Variants in SYNPR observed in about 807,000 individuals in gnomAD.
SYNPR encodes the protein synaptoporin.
A neutral mutation model predicts 32.9 loss-of-function variants in SYNPR; 23 were observed. That is an observed-to-expected ratio of 0.70 (90% confidence interval 0.50 to 0.99). The LOEUF (loss-of-function observed/expected upper bound fraction) is 0.99. Ranked by LOEUF, SYNPR falls within the 50% of genes least tolerant of loss-of-function variation. The probability of loss-of-function intolerance (pLI) is 0.00; values close to 1 mark genes in which losing one functional copy is unlikely to be tolerated. For missense variants in SYNPR, 318 were observed against 349.3 expected, an observed-to-expected ratio of 0.91 and a Z score of 0.71; for synonymous variants, 146 against 135.9, an observed-to-expected ratio of 1.07 and a Z score of -0.52.
At chr3:63,320,817 G>C (rs780936369) in intron 2 of SYNPR, among the ~76,000 whole-genome samples, 8 of 152,092 alleles carry the variant, frequency 5.3e-5, no homozygotes, top group Middle Eastern at 3.4e-3. Flanking sequence ...TTAGTTTTGT[G>C]ATTTACTATG....
chr3:63,228,514 G>T (rs2086145785), intron 1 of SYNPR: 1 of 152,092 alleles, frequency 6.6e-6, no homozygotes, highest in African/African-American at 2.4e-5. Context: ...TCACATTTGT[G>T]AAACTTTTCT....
At chr3:63,609,999 A>G (rs1355295282) in intron 5 of SYNPR, among the ~76,000 whole-genome samples, 1 of 152,216 alleles carries the variant, frequency 6.6e-6, no homozygotes. Context: ...TCCTGGGGAG[A>G]AAACACTGTT....
chr3:63,392,435 A>AGT (rs2088151009), intron 2 of SYNPR, among the ~76,000 whole-genome samples: 2 of 152,304 alleles, frequency 1.3e-5, no homozygotes, highest in Middle Eastern at 6.8e-3. Context: ...CTTGACAGCT[A>AGT]GTGTGTGTGT....
chr3:63,357,362 A>C (rs1447392064), intron 2 of SYNPR, among the ~76,000 whole-genome samples: 1 of 151,866 alleles, frequency 6.6e-6, no homozygotes, highest in Non-Finnish European at 1.5e-5. Context: ...AAGAATAATC[A>C]ATGTCCTGAC....
chr3:63,237,736 C>T (rs1453225595), intron 1 of SYNPR, among the ~76,000 whole-genome samples: 1 of 151,976 alleles, frequency 6.6e-6, no homozygotes, highest in African/African-American at 2.4e-5. Context: ...GCTGTGATGT[C>T]AATGACAGCT....
At chr3:63,485,227 T>C (rs1367977620) in intron 3 of SYNPR, among the ~76,000 whole-genome samples, 4 of 151,642 alleles carry the variant, frequency 2.6e-5, no homozygotes, top group Non-Finnish European at 4.4e-5. Flanking sequence ...AAAAAATGAA[T>C]GAAAGGGGTC....
chr3:63,433,840 C>T (rs1020322179), intron 2 of SYNPR, among the ~76,000 whole-genome samples: 5 of 152,242 alleles, frequency 3.3e-5, no homozygotes, highest in Middle Eastern at 3.4e-3. Context: ...ACACCTCTGG[C>T]GTAAGACATA....
At chr3:63,368,412 G>C (rs2087753930) in intron 2 of SYNPR, among the ~76,000 whole-genome samples, 1 of 152,190 alleles carries the variant, frequency 6.6e-6, no homozygotes, top group South Asian at 2.1e-4. Context: ...CTGAGTTCCA[G>C]TTGAGAAAAT....
intron 3 of SYNPR, among the ~76,000 whole-genome samples, chr3:63,507,266 G>A (rs1416070370): frequency 2.0e-5 from 3 of 152,022 alleles, no homozygotes; most frequent in African/African-American, 7.3e-5. Flanking sequence ...TGCCCCAAAT[G>A]TTTATAAATT....
chr3:63,310,162 T>C (rs975362730), intron 2 of SYNPR, among the ~76,000 whole-genome samples: 2 of 151,930 alleles, frequency 1.3e-5, no homozygotes, highest in Non-Finnish European at 2.9e-5. Flanking sequence ...CTTTTTTCCA[T>C]TGGTATAGTT....
chr3:63,476,567 G>A (rs1440751274), intron 2 of SYNPR, among the ~76,000 whole-genome samples: 5 of 152,056 alleles, frequency 3.3e-5, no homozygotes, highest in African/African-American at 1.2e-4. Flanking sequence ...GAAGAAGACT[G>A]GACCATTTGA....
chr3:63,449,733 G>C (rs1276689441), intron 2 of SYNPR, among the ~76,000 whole-genome samples: 1 of 152,108 alleles, frequency 6.6e-6, no homozygotes, highest in Non-Finnish European at 1.5e-5. Context: ...TGCCAACAAA[G>C]ACAAGTAAGG....
chr3:63,541,410 T>G (rs1702300100), intron 3 of SYNPR, among the ~76,000 whole-genome samples: 1 of 151,978 alleles, frequency 6.6e-6, no homozygotes, highest in East Asian at 1.9e-4. Flanking sequence ...AGTTTCAGAA[T>G]TACAATCTAT....
intron 3 of SYNPR, among the ~76,000 whole-genome samples, chr3:63,272,671 A>G (rs2086546430): frequency 6.6e-6 from 1 of 152,112 alleles, no homozygotes; most frequent in African/African-American, 2.4e-5. Context: ...CTGCATCCAG[A>G]CAATGAAATG....
intron 3 of SYNPR, among the ~76,000 whole-genome samples, chr3:63,511,179 G>A (rs1701692978): frequency 6.6e-6 from 1 of 151,956 alleles, no homozygotes; most frequent in Non-Finnish European, 1.5e-5. Context: ...AGAAAGGCCT[G>A]AATGAAAATC....
chr3:63,558,521 C>A (rs1365828450), intron 4 of SYNPR, among the ~76,000 whole-genome samples: 1 of 151,948 alleles, frequency 6.6e-6, no homozygotes. Flanking sequence ...TTTGCAGAGA[C>A]AAGGTTTCAT....
At chr3:63,494,989 T>A (rs1701345024) in intron 3 of SYNPR, among the ~76,000 whole-genome samples, 1 of 152,176 alleles carries the variant, frequency 6.6e-6, no homozygotes, top group African/African-American at 2.4e-5. Context: ...TTGTTTTCCT[T>A]GGGACTCAGA....
chr3:63,616,608 C>G lies in SYNPR; in HGVS notation c.*1127C>G, dbSNP rs1392054469. On this transcript the variant is annotated 3_prime_UTR_variant, in exon 6 of 6. Coordinates refer to ENST00000478300, the MANE Select transcript of SYNPR (RefSeq NM_001130003.2). Reference sequence around the variant, plus strand: ...AATTAAAAATGGCTTCCATATGCCACTCTGTACCCCAAAGAGAGTTCTCAT... The same window carrying G: ...AATTAAAAATGGCTTCCATATGCCAGTCTGTACCCCAAAGAGAGTTCTCAT... 3 of 152,736 alleles carry G rather than the reference C, an allele frequency of 2.0e-5. No homozygotes were observed. The highest frequency in any genetic ancestry group is 7.2e-5 in the African/African-American group (3 of 41,564). The allele number at this position is 152,736 out of a possible 1,614,324, so 9.5% of individuals were successfully genotyped here. A position where few individuals can be genotyped will look rare whatever the true frequency, so the allele number is the denominator to read the frequency against.
At chr3:63,603,141 A>G (rs958378104) in intron 4 of SYNPR, among the ~76,000 whole-genome samples, 7 of 151,990 alleles carry the variant, frequency 4.6e-5, no homozygotes, top group African/African-American at 1.7e-4. Flanking sequence ...TTTGACTTTC[A>G]GCCTGGATGT....
Sources: gnomAD v4.1 joint callset for allele counts (sites outside exome capture counted in the v4.1 genomes callset) on GRCh38, gnomAD v4.1.1 for gene constraint, MANE v1.5 for transcripts, NCBI Gene and HGNC (gene_info 2026-07-23, HGNC 2026-07-21) for gene names.